The following FAT3 variants were observed in gnomAD, a reference collection of about 807,000 sequenced individuals.
The protein encoded by FAT3 is protocadherin Fat 3.
Under a neutral mutation model 310.2 loss-of-function variants are expected in FAT3, and 95 were observed. The ratio of observed to expected loss-of-function variants is 0.31; its 90% confidence interval spans 0.26 to 0.36. The LOEUF (loss-of-function observed/expected upper bound fraction) is 0.36. FAT3 is among the 10% of genes least tolerant of loss of function. FAT3 has a pLI of 1.00. For missense variants in FAT3, 5,408 were observed against 5,715.6 expected (o/e 0.95, Z 1.74); for synonymous variants, 2,314 against 2,192.9 (o/e 1.06, Z -1.54).
At position 92,844,285 on chromosome 11, in the gene FAT3, T is replaced by C; in HGVS notation, c.10918T>C (p.Leu3640=). 6.2e-7 allele frequency: 1 copy of C among 1,613,978 alleles called. No individual in the cohort carries two copies. Among genetic ancestry groups the C allele is most frequent in the Non-Finnish European group, 8.5e-7 (1 of 1,179,884 alleles). The change falls in exon 19 of 28, where the codon TTG becomes CTG. Residue 3640 remains leucine (L), a synonymous_variant. Coordinates refer to ENST00000525166, the MANE Select transcript of FAT3 (RefSeq NM_001367949.2). The part of the protein sequence containing the change: ...PIDVVVHVEQ[L]VHEMLQNTVT... ...TGATGTGGTCGTGCATGTGGAGCAGTTGGTGCATGAGATGCTGCAGAACAC... is the reference window on the plus strand; with the variant it reads ...TGATGTGGTCGTGCATGTGGAGCAGCTGGTGCATGAGATGCTGCAGAACAC...
chr11:92,658,039 G>A (rs569513038), intron 3 of FAT3, among the ~76,000 whole-genome samples: 1 of 152,278 alleles, frequency 6.6e-6, no homozygotes, highest in Non-Finnish European at 1.5e-5. Context: ...ATTTAGCTCA[G>A]TATACAGGAA....
At chr11:92,382,142 A>G (rs532660646) in intron 2 of FAT3, among the ~76,000 whole-genome samples, 7 of 152,248 alleles carry the variant, frequency 4.6e-5, no homozygotes, top group African/African-American at 1.4e-4. Context: ...TTTTCCTTTG[A>G]TTCCGGATTT....
chr11:92,527,203 G>C (rs891391426), intron 3 of FAT3, among the ~76,000 whole-genome samples: 1 of 152,120 alleles, frequency 6.6e-6, no homozygotes. Context: ...AAACACCATA[G>C]AACACAGTGG....
intron 17 of FAT3, among the ~76,000 whole-genome samples, chr11:92,838,676 A>G (rs1057005170): frequency 6.6e-6 from 1 of 152,150 alleles, no homozygotes; most frequent in African/African-American, 2.4e-5. Flanking sequence ...AATCACCCCA[A>G]AGGAGTCCCA....
intron 1 of FAT3, among the ~76,000 whole-genome samples, chr11:92,260,177 C>T (rs553027271): frequency 2.6e-4 from 40 of 152,166 alleles, no homozygotes; most frequent in African/African-American, 9.6e-4. Context: ...CCTTTCTGTT[C>T]GTCAGTTTTG....
chr11:92,721,845 A>T (rs903745811), intron 4 of FAT3, among the ~76,000 whole-genome samples: 4 of 152,270 alleles, frequency 2.6e-5, no homozygotes, highest in Middle Eastern at 3.4e-3. Context: ...GAGCTTGTGC[A>T]GGGAAACTCC....
chr11:92,422,423 C>T (rs583421), intron 2 of FAT3, among the ~76,000 whole-genome samples: 106,085 of 152,050 alleles, frequency 0.7, 39,320 homozygotes, highest in East Asian at 0.8. Flanking sequence ...TTGTGTTGAA[C>T]TTGGGCCCCT....
intron 7 of FAT3, among the ~76,000 whole-genome samples, chr11:92,784,789 G>A (rs567586757): frequency 3.1e-4 from 47 of 152,182 alleles, no homozygotes; most frequent in African/African-American, 1.1e-3. Context: ...TAGATTAGGC[G>A]TAAGACAAAG....
chr11:92,454,072 T>A lies in FAT3; in HGVS notation c.3293-70562T>A, dbSNP rs115840982. Among the ~76,000 whole-genome samples, 1,087 of 152,322 alleles carry A rather than the reference T, an allele frequency of 7.1e-3. 20 individuals are homozygous for A. Among genetic ancestry groups the A allele is most frequent in the African/African-American group, 0.025 (1,043 of 41,566 alleles). ...CTATTTAACTCCCTATATCCAAATA[T>A]TATTTCAACATGTAATGAAAATTAA... On this transcript the variant is annotated intron_variant, in intron 2 of 27. Transcript: ENST00000525166.
chr11:92,378,539 T>A (rs1352716026), intron 2 of FAT3, among the ~76,000 whole-genome samples: 1 of 152,194 alleles, frequency 6.6e-6, no homozygotes, highest in African/African-American at 2.4e-5. Flanking sequence ...ATATACTATT[T>A]TAACTATATC....
In FAT3 at chr11:92,883,278, G is replaced by C. The variant is rs551997602; in HGVS notation, c.12822G>C (p.Leu4274=). 5 of 1,612,798 alleles carry C rather than the reference G, an allele frequency of 3.1e-6. No homozygotes were observed. The East Asian group carries it at 8.9e-5, about 29-fold the overall frequency. ...TTCACCCTGAGTCGCCCCGCATCCT[G>C]ACAGCCCGGCGGGGCGTGGTCGTGT... ...TTFHPESPRI[L]TARRGVVVCS... is the part of the protein sequence containing the mutation. The change falls in exon 24 of 28, where the codon CTG becomes CTC. Residue 4274 remains leucine, a synonymous_variant. Coordinates refer to ENST00000525166, the MANE Select transcript of FAT3 (RefSeq NM_001367949.2). The surrounding 1 kb of genome is among the most constrained non-coding windows in gnomAD (Gnocchi z 4.2).
intron 19 of FAT3, among the ~76,000 whole-genome samples, chr11:92,855,506 C>T (rs564381382): frequency 1.3e-5 from 2 of 152,304 alleles, no homozygotes; most frequent in South Asian, 4.1e-4. Flanking sequence ...ATTCCCAGGC[C>T]TTATACCTCT....
intron 2 of FAT3, among the ~76,000 whole-genome samples, chr11:92,468,636 T>C (rs1417856746): frequency 6.6e-6 from 1 of 152,130 alleles, no homozygotes; most frequent in Non-Finnish European, 1.5e-5. Flanking sequence ...TGACTCACAG[T>C]TCAACATGGC....
At chr11:92,347,007 G>A (rs1948439001) in intron 1 of FAT3, among the ~76,000 whole-genome samples, 1 of 152,092 alleles carries the variant, frequency 6.6e-6, no homozygotes, top group Non-Finnish European at 1.5e-5. Flanking sequence ...GCCATGAAGT[G>A]TTTTAAGTAT....
At chr11:92,263,762 G>T (rs955590229) in intron 1 of FAT3, among the ~76,000 whole-genome samples, 1 of 151,922 alleles carries the variant, frequency 6.6e-6, no homozygotes, top group African/African-American at 2.4e-5. Flanking sequence ...TGTCAGCATT[G>T]ATCATGTCCT....
intron 2 of FAT3, among the ~76,000 whole-genome samples, chr11:92,451,242 G>C (rs983132176): frequency 7.2e-5 from 11 of 152,106 alleles, no homozygotes; most frequent in African/African-American, 2.7e-4. Flanking sequence ...TTTATGGCCA[G>C]GTTCATTGGT....
intron 2 of FAT3, among the ~76,000 whole-genome samples, chr11:92,383,158 G>A (rs942446673): frequency 2.0e-5 from 3 of 152,182 alleles, no homozygotes; most frequent in African/African-American, 7.2e-5. Flanking sequence ...TCCCTGCACA[G>A]GACATGATCT....
intron 22 of FAT3, among the ~76,000 whole-genome samples, chr11:92,870,841 T>C (rs1949368158): frequency 6.6e-6 from 1 of 152,228 alleles, no homozygotes. Flanking sequence ...TGCTTGGTAC[T>C]GTGATAAGTG....
rs368006073 is a variant in FAT3, at chr11:92,799,303, C to T, written c.6290C>T (p.Ala2097Val). The T allele has an allele frequency of 5.3e-5, 85 of 1,613,686 alleles. No individual in the cohort carries two copies. The highest frequency in any genetic ancestry group is 1.7e-4 in the African/African-American group (13 of 74,880). The stretch of plus-strand genomic sequence containing the variant: ...TACTATGCTGCTGTTCAAGTGGATG[C>T]GGAACCCGGGACTCTGATTTATCAG... ...LPYYAAVQVD[A>V]EPGTLIYQVT... Residue 2097 changes from alanine (A) to valine (V), a missense_variant, in exon 10 of 28, where the codon GCG becomes GTG. Coordinates refer to ENST00000525166, the MANE Select transcript of FAT3 (RefSeq NM_001367949.2).
Sources: gnomAD v4.1 joint callset for allele counts (sites outside exome capture counted in the v4.1 genomes callset) on GRCh38, gnomAD v4.1.1 for gene constraint, Gnocchi (gnomAD v3.1) non-coding constraint, MANE v1.5 for transcripts, NCBI Gene and HGNC (gene_info 2026-07-23, HGNC 2026-07-21) for gene names.